WDHD1: variants seen among roughly 807,000 people sequenced by gnomAD.
The protein encoded by WDHD1 is WD repeat and HMG-box DNA binding protein 1.
A neutral mutation model predicts 135.4 loss-of-function variants in WDHD1; 111 were observed. That is an observed-to-expected ratio of 0.82 (90% CI 0.70 to 0.96). WDHD1 has a LOEUF of 0.96. WDHD1 is among the 40% of genes least tolerant of loss of function. The probability of loss-of-function intolerance (pLI) is 0.00; values close to 1 mark genes in which losing one functional copy is unlikely to be tolerated. For synonymous variants in WDHD1, 434 were observed against 439.0 expected (o/e 0.99, Z 0.14); for missense variants, 1,351 against 1,336.3 (o/e 1.01, Z -0.17).
At chr14:54,949,922 C>G (rs979547600) in intron 24 of WDHD1, among the ~76,000 whole-genome samples, 1 of 152,082 alleles carries the variant, frequency 6.6e-6, no homozygotes, top group African/African-American at 2.4e-5. Flanking sequence ...GAAATAAAAT[C>G]CTTTACAGAC....
At chr14:54,962,706 T>G (rs1206380956) in intron 20 of WDHD1, 32 bp downstream of exon 20, 1 of 1,609,348 alleles carries the variant, frequency 6.2e-7, no homozygotes, top group East Asian at 2.2e-5. Flanking sequence ...ATGATAGTTC[T>G]CATGATTTAT....
At chr14:55,016,192 C>G (rs1190560357) in intron 2 of WDHD1, among the ~76,000 whole-genome samples, 1 of 152,100 alleles carries the variant, frequency 6.6e-6, no homozygotes, top group African/African-American at 2.4e-5. Context: ...ATGGTTTTGT[C>G]CTTTATTGTA....
intron 24 of WDHD1, among the ~76,000 whole-genome samples, chr14:54,945,324 C>T (rs1159236987): frequency 2.0e-5 from 3 of 152,174 alleles, no homozygotes; most frequent in Non-Finnish European, 4.4e-5. Flanking sequence ...AAATATTTAA[C>T]ATTTACTGAT....
intron 2 of WDHD1, among the ~76,000 whole-genome samples, chr14:55,021,465 G>T (rs1041393498): frequency 4.0e-5 from 6 of 151,564 alleles, no homozygotes; most frequent in Non-Finnish European, 8.8e-5. Flanking sequence ...AATGTGCAGC[G>T]GCACAATCTC....
At chr14:54,990,681 C>T (rs1159795048) in intron 12 of WDHD1, among the ~76,000 whole-genome samples, 1 of 151,806 alleles carries the variant, frequency 6.6e-6, no homozygotes, top group Non-Finnish European at 1.5e-5. Context: ...TTAATGTGCA[C>T]TGTATCATAC....
At chr14:54,961,854 T>TTG (rs2041257024) in intron 21 of WDHD1, among the ~76,000 whole-genome samples, 1 of 151,692 alleles carries the variant, frequency 6.6e-6, no homozygotes, top group Non-Finnish European at 1.5e-5. Context: ...TTTTTTTTTT[T>TTG]GAGATGGAGT....
chr14:54,981,536 C>T lies in WDHD1; in HGVS notation c.2063+4G>A. On this transcript the variant is annotated splice_donor_region_variant and intron_variant, in intron 16 of 25. Coordinates refer to ENST00000360586, the MANE Select transcript of WDHD1 (RefSeq NM_007086.4). ...TCAACTTTAGACTTCTTTTAATAGCCCACCTTAGTTGCTGGGGATTTTCAT... is the reference window on the plus strand; with the variant it reads ...TCAACTTTAGACTTCTTTTAATAGCTCACCTTAGTTGCTGGGGATTTTCAT... The T allele has an allele frequency of 1.2e-6, 2 of 1,608,250 alleles. No individual in the cohort carries two copies. The highest frequency in any genetic ancestry group is 1.7e-6 in the Non-Finnish European group (2 of 1,178,132).
At chr14:54,964,535 A>G (rs1259311448) in intron 18 of WDHD1, among the ~76,000 whole-genome samples, 1 of 152,028 alleles carries the variant, frequency 6.6e-6, no homozygotes, top group African/African-American at 2.4e-5. Flanking sequence ...GCTACTCGGG[A>G]GGCTGAGGCA....
rs201110623 is a variant in WDHD1, at chr14:54,987,183, T to C, written c.1731A>G (p.Ala577=). Residue 577 remains alanine, a synonymous_variant, in exon 14 of 26, where the codon GCA becomes GCG. Transcript: ENST00000360586. ...CAATGAAAAGCTGTTCTCCATGTCC[T>C]GCCATTGACACCACAGGTCCAGCAA... ...FSLAGPVVSM[A]GHGEQLFIVY... The C allele has an allele frequency of 9.9e-6, 16 of 1,614,222 alleles. 1 individual carries two copies. The highest frequency in any genetic ancestry group is 1.6e-4 in the Middle Eastern group (1 of 6,062).
intron 24 of WDHD1, among the ~76,000 whole-genome samples, chr14:54,949,132 A>G (rs576010381): frequency 1.3e-5 from 2 of 152,350 alleles, no homozygotes; most frequent in Non-Finnish European, 2.9e-5. Context: ...CTCACCAGCA[A>G]CGGAACAAAG....
rs770075010 is a variant in WDHD1, at chr14:55,013,505, C to G, written c.169G>C (p.Ala57Pro). The G allele has an allele frequency of 4.3e-6, 7 of 1,613,272 alleles. No homozygotes were observed. Among genetic ancestry groups the G allele is most frequent in the Non-Finnish European group, 5.9e-6 (7 of 1,179,380 alleles). Residue 57 changes from alanine to proline, a missense_variant, in exon 3 of 26, where the codon GCA becomes CCA. Physicochemically the swap from Ala to Pro is conservative, Grantham distance 27 (BLOSUM62 -1). This residue lies in a region of WDHD1 where 1,330 missense variants were observed against 1,296.1 expected (regional missense o/e 1.03). Transcript: ENST00000360586. Reference protein sequence around the residue: ...DPKFINVGEKAYSCALKSGKL... With the variant: ...DPKFINVGEKPYSCALKSGKL... ...ACTACCTTCAAAGCACATGAATATGCCTTTTCTCCAACATTAATGAACTTA... is the reference window on the plus strand; with the variant it reads ...ACTACCTTCAAAGCACATGAATATGGCTTTTCTCCAACATTAATGAACTTA...
chr14:54,991,825 T>A (rs566727083), intron 11 of WDHD1, among the ~76,000 whole-genome samples: 3 of 152,322 alleles, frequency 2.0e-5, no homozygotes, highest in African/African-American at 7.2e-5. Flanking sequence ...ACACTACTTT[T>A]ACTTAAAAAA....
intron 16 of WDHD1, among the ~76,000 whole-genome samples, chr14:54,973,807 C>T (rs1467240852): frequency 2.0e-5 from 3 of 152,110 alleles, no homozygotes; most frequent in Non-Finnish European, 4.4e-5. Flanking sequence ...TATTGATTTA[C>T]ACATAGTAAG....
chr14:54,998,756 G>A (rs745834637), intron 10 of WDHD1, among the ~76,000 whole-genome samples: 5 of 151,872 alleles, frequency 3.3e-5, no homozygotes, highest in East Asian at 1.9e-4. Flanking sequence ...ACTACTCTCC[G>A]ACCCCAATTC....
chr14:54,943,419 C>T (rs537789690), intron 25 of WDHD1, among the ~76,000 whole-genome samples: 16 of 152,194 alleles, frequency 1.1e-4, no homozygotes, highest in Non-Finnish European at 1.8e-4. Context: ...CCTAGAGACC[C>T]GGTCTCACTC....
chr14:54,968,517 G>T (rs2041380677), intron 16 of WDHD1, among the ~76,000 whole-genome samples: 1 of 151,592 alleles, frequency 6.6e-6, no homozygotes, highest in South Asian at 2.1e-4. Flanking sequence ...AATAACAGCA[G>T]AACTAAACAA....
At chr14:54,974,266 T>C (rs1418925293) in intron 16 of WDHD1, among the ~76,000 whole-genome samples, 3 of 151,368 alleles carry the variant, frequency 2.0e-5, no homozygotes, top group East Asian at 1.9e-4. Context: ...TACAAAAAAA[T>C]ACAAAAAATA....
At chr14:54,949,322 T>C (rs1028243304) in intron 24 of WDHD1, among the ~76,000 whole-genome samples, 7 of 152,130 alleles carry the variant, frequency 4.6e-5, no homozygotes, top group Admixed American at 3.9e-4. Context: ...CTGATGGAGC[T>C]GAAAACCATG....
intron 7 of WDHD1, chr14:55,005,778 T>C: frequency 3.0e-6 from 1 of 332,056 alleles, no homozygotes; most frequent in Non-Finnish European, 5.6e-6. Flanking sequence ...TCATGGGCTT[T>C]AGAATCAGCT....
Sources: allele counts gnomAD v4.1 joint callset (sites outside exome capture counted in the v4.1 genomes callset), GRCh38; gene constraint gnomAD v4.1.1; regional missense constraint gnomAD v4.1.1; transcripts MANE v1.5; gene names NCBI Gene and HGNC (gene_info 2026-07-23, HGNC 2026-07-21).